MFHAS1: variants seen among roughly 807,000 people sequenced by gnomAD.
MFHAS1 encodes multifunctional ROCO family signaling regulator 1.
Under a neutral mutation model 70.4 loss-of-function variants are expected in MFHAS1, and 50 were observed. That is an observed-to-expected ratio of 0.71 (90% CI 0.57 to 0.90). The LOEUF (loss-of-function observed/expected upper bound fraction) is 0.90. Among genes scored for constraint, MFHAS1 ranks in the 40% least tolerant of loss-of-function variants. The pLI is 0.00. For synonymous variants in MFHAS1, 952 were observed against 620.0 expected, an observed-to-expected ratio of 1.54 and a Z score of -7.96; for missense variants, 1,795 against 1,347.6, an observed-to-expected ratio of 1.33 and a Z score of -5.20.
At chr8:8,856,954 A>G (rs1328467113) in intron 1 of MFHAS1, among the ~76,000 whole-genome samples, 2 of 148,836 alleles carry the variant, frequency 1.3e-5, no homozygotes, top group Admixed American at 6.7e-5. Flanking sequence ...CTGGCTCAAA[A>G]CCTGACACTT....
At chr8:8,875,572 T>G (rs1809257090) in intron 1 of MFHAS1, among the ~76,000 whole-genome samples, 1 of 152,032 alleles carries the variant, frequency 6.6e-6, no homozygotes, top group South Asian at 2.1e-4. Context: ...CATGAGAAAC[T>G]TTTTTTTCTT....
chr8:8,859,626 C>G (rs968040970), intron 1 of MFHAS1, among the ~76,000 whole-genome samples: 2 of 152,202 alleles, frequency 1.3e-5, no homozygotes, highest in African/African-American at 4.8e-5. Flanking sequence ...TGATTTACTT[C>G]CATTTAAGGA....
chr8:8,828,753 C>A (rs1362230727), intron 1 of MFHAS1, among the ~76,000 whole-genome samples: 1 of 152,230 alleles, frequency 6.6e-6, no homozygotes, highest in Non-Finnish European at 1.5e-5. Flanking sequence ...GTCCTCACGG[C>A]GTGCATAGCC....
At chr8:8,802,933 G>C (rs902443690) in intron 1 of MFHAS1, among the ~76,000 whole-genome samples, 7 of 152,202 alleles carry the variant, frequency 4.6e-5, no homozygotes, top group African/African-American at 1.7e-4. Context: ...GAACTTGCAA[G>C]AGACTTACCC....
At chr8:8,813,276 C>A (rs1268016138) in intron 1 of MFHAS1, among the ~76,000 whole-genome samples, 1 of 152,200 alleles carries the variant, frequency 6.6e-6, no homozygotes, top group Non-Finnish European at 1.5e-5. Flanking sequence ...TATATAATAA[C>A]AAACGACTAT....
chr8:8,799,180 C>A (rs1233890967), intron 1 of MFHAS1, among the ~76,000 whole-genome samples: 1 of 152,112 alleles, frequency 6.6e-6, no homozygotes, highest in Non-Finnish European at 1.5e-5. Flanking sequence ...GAAGACTATA[C>A]AGACTATGTT....
intron 2 of MFHAS1, among the ~76,000 whole-genome samples, chr8:8,788,325 A>C (rs551694675): frequency 6.6e-6 from 1 of 152,232 alleles, no homozygotes; most frequent in Non-Finnish European, 1.5e-5. Flanking sequence ...GTGATGAAAA[A>C]GCCACAGGTA....
chr8:8,854,486 A>G (rs1585053354), intron 1 of MFHAS1, among the ~76,000 whole-genome samples: 3 of 151,186 alleles, frequency 2.0e-5, no homozygotes, highest in Admixed American at 6.6e-5. Flanking sequence ...GCACCACTGC[A>G]CTCCAGCCTG....
At chr8:8,888,950 G>T (rs1478153612) in intron 1 of MFHAS1, among the ~76,000 whole-genome samples, 1 of 150,616 alleles carries the variant, frequency 6.6e-6, no homozygotes, top group African/African-American at 2.4e-5. Flanking sequence ...GTGGGGAAGG[G>T]GATATATGGG....
chr8:8,786,119 A>C, intron 2 of MFHAS1, 64 bp from the exon 3 acceptor site: 3 of 1,404,032 alleles, frequency 2.1e-6, no homozygotes, highest in Non-Finnish European at 3.0e-6. Flanking sequence ...TGCTACCCTC[A>C]ATAAGAAAAG....
chr8:8,868,232 T>C (rs1374685883), intron 1 of MFHAS1, among the ~76,000 whole-genome samples: 1 of 152,000 alleles, frequency 6.6e-6, no homozygotes, highest in Admixed American at 6.6e-5. Flanking sequence ...ATAAATATCC[T>C]GACAAATAGC....
intron 1 of MFHAS1, among the ~76,000 whole-genome samples, chr8:8,842,439 G>C (rs936389793): frequency 6.6e-6 from 1 of 152,132 alleles, no homozygotes; most frequent in Non-Finnish European, 1.5e-5. Context: ...ACCCACCTCA[G>C]CCTCCCAAAG....
chr8:8,790,000 T>G (rs553760272), intron 2 of MFHAS1, among the ~76,000 whole-genome samples: 4 of 152,318 alleles, frequency 2.6e-5, no homozygotes, highest in African/African-American at 9.6e-5. Flanking sequence ...GGTACTTTCC[T>G]GTGTAGTTCC....
chr8:8,844,738 A>C (rs1221299011), intron 1 of MFHAS1, among the ~76,000 whole-genome samples: 1 of 152,198 alleles, frequency 6.6e-6, no homozygotes, highest in Admixed American at 6.5e-5. Context: ...ATATTGGATT[A>C]CTGACCATTC....
At chr8:8,852,117 C>A (rs144375453) in intron 1 of MFHAS1, among the ~76,000 whole-genome samples, 41 of 152,198 alleles carry the variant, frequency 2.7e-4, no homozygotes, top group African/African-American at 9.9e-4. Flanking sequence ...GATATTCTGT[C>A]CTCCAGAGAG....
intron 1 of MFHAS1, among the ~76,000 whole-genome samples, chr8:8,876,008 A>G (rs1363976719): frequency 6.6e-6 from 1 of 152,146 alleles, no homozygotes; most frequent in Non-Finnish European, 1.5e-5. Context: ...CAAACTTATC[A>G]CTCTTCTAAA....
intron 1 of MFHAS1, among the ~76,000 whole-genome samples, chr8:8,801,513 T>C (rs148388639): frequency 6.6e-6 from 1 of 152,188 alleles, no homozygotes; most frequent in East Asian, 1.9e-4. Flanking sequence ...GCCAGTATCC[T>C]CAGGATTTAA....
intron 1 of MFHAS1, among the ~76,000 whole-genome samples, chr8:8,868,686 A>C (rs976704286): frequency 6.6e-6 from 1 of 152,204 alleles, no homozygotes; most frequent in Non-Finnish European, 1.5e-5. Context: ...CTCATGAGTC[A>C]GGCATGACAC....
intron 1 of MFHAS1, among the ~76,000 whole-genome samples, chr8:8,871,647 G>A (rs192396030): frequency 1.4e-3 from 218 of 152,294 alleles, no homozygotes; most frequent in Non-Finnish European, 1.0e-3. Flanking sequence ...AAATGCTTGG[G>A]AACTGTTAGA....
Sources: allele counts gnomAD v4.1 joint callset (sites outside exome capture counted in the v4.1 genomes callset), GRCh38; gene constraint gnomAD v4.1.1; transcripts MANE v1.5; gene names NCBI Gene and HGNC (gene_info 2026-07-23, HGNC 2026-07-21).